The following CCDC60 variants were observed in gnomAD, a reference collection of about 807,000 sequenced individuals.
CCDC60 encodes coiled-coil domain-containing protein 60.
In CCDC60, 54 loss-of-function variants were observed where a neutral mutation model predicts 63.5. The observed-to-expected ratio is 0.85, with a 90% CI of 0.68 to 1.07. CCDC60 has a LOEUF of 1.07. Among genes scored for constraint, CCDC60 ranks in the 50% least tolerant of loss-of-function variants. The pLI is 0.00. For synonymous variants in CCDC60, 206 were observed against 238.8 expected (o/e 0.86, Z 1.27); for missense variants, 651 against 684.3 (o/e 0.95, Z 0.54).
chr12:119,475,766 C>A (rs1438671222), intron 3 of CCDC60, among the ~76,000 whole-genome samples: 1 of 152,102 alleles, frequency 6.6e-6, no homozygotes, highest in Non-Finnish European at 1.5e-5. Context: ...AACTCCCAAG[C>A]TTATTATGAG....
intron 1 of CCDC60, among the ~76,000 whole-genome samples, chr12:119,404,229 G>T (rs1358578724): frequency 6.6e-6 from 1 of 152,206 alleles, no homozygotes; most frequent in Non-Finnish European, 1.5e-5. Flanking sequence ...GGCTGAGATT[G>T]CAGTGAGCCA....
At chr12:119,367,671 A>G (rs776732917) in intron 1 of CCDC60, among the ~76,000 whole-genome samples, 1 of 152,226 alleles carries the variant, frequency 6.6e-6, no homozygotes, top group Non-Finnish European at 1.5e-5. Flanking sequence ...CTATCCATAC[A>G]GTGGAATATT....
At chr12:119,523,062 A>G in intron 10 of CCDC60, 61 bp downstream of exon 10, 2 of 1,422,598 alleles carry the variant, frequency 1.4e-6, no homozygotes, top group South Asian at 2.3e-5. Context: ...CACACCCTCT[A>G]TCTTCCCAGG....
chr12:119,371,434 G>GTGGAATGAATGAGTGAATGAA (rs1955896960), intron 1 of CCDC60, among the ~76,000 whole-genome samples: 2 of 152,172 alleles, frequency 1.3e-5, no homozygotes, highest in African/African-American at 4.8e-5. Flanking sequence ...ATAAATAGTT[G>GTGGAATGAATGAGTGAATGAA]TGGAATGAAT....
intron 1 of CCDC60, among the ~76,000 whole-genome samples, chr12:119,344,853 T>TCACACA (rs1489223455): frequency 8.8e-4 from 92 of 104,164 alleles, no homozygotes; most frequent in Non-Finnish European, 1.2e-3. Context: ...TCTCTCTCTC[T>TCACACA]CTCACACACA....
At chr12:119,487,391 A>G (rs1951475238) in intron 4 of CCDC60, among the ~76,000 whole-genome samples, 2 of 150,678 alleles carry the variant, frequency 1.3e-5, no homozygotes, top group South Asian at 4.2e-4. Flanking sequence ...TCCGCCTCTC[A>G]GGCTCAAGCA....
At position 119,456,064 on chromosome 12, in the gene CCDC60, C is replaced by A. The variant is rs67019387; in HGVS notation, c.171-15930C>A. On this transcript the variant is annotated intron_variant, in intron 2 of 13. Transcript: ENST00000327554. This position sits in a 1 kb window ranked among gnomAD's most constrained non-coding sequence, Gnocchi z 4.6. Reference sequence around the variant, plus strand: ...GAAAGAAAGAAAGAAAGAAAGAAAGCAAGCAAGCATGTGCAATTTCAAGGG... The same window carrying A: ...GAAAGAAAGAAAGAAAGAAAGAAAGAAAGCAAGCATGTGCAATTTCAAGGG... 0.4 allele frequency among the ~76,000 whole-genome samples: 37,899 copies of A among 93,654 alleles called. 6,784 individuals are homozygous for A. The highest frequency in any genetic ancestry group is 0.49 in the South Asian group (1,089 of 2,226). 61.4% of individuals were successfully genotyped at this position (93,654 alleles called of 152,430 possible).
chr12:119,390,425 T>C (rs778497418), intron 1 of CCDC60, among the ~76,000 whole-genome samples: 2 of 152,220 alleles, frequency 1.3e-5, no homozygotes, highest in African/African-American at 4.8e-5. Flanking sequence ...CACCATTCTA[T>C]ACATCACATC....
chr12:119,494,640 C>T (rs1402572953), intron 5 of CCDC60, among the ~76,000 whole-genome samples: 2 of 152,180 alleles, frequency 1.3e-5, no homozygotes, highest in African/African-American at 2.4e-5. Flanking sequence ...TTTAGAAATA[C>T]ACATATGAGT....
chr12:119,417,877 T>C (rs918296906), intron 1 of CCDC60, among the ~76,000 whole-genome samples: 7 of 152,282 alleles, frequency 4.6e-5, no homozygotes, highest in Middle Eastern at 3.4e-3. Context: ...ACCCTTCCTT[T>C]ATTCCCAAAG....
At chr12:119,514,586 A>G (rs1952303925) in intron 7 of CCDC60, among the ~76,000 whole-genome samples, 2 of 152,188 alleles carry the variant, frequency 1.3e-5, no homozygotes, top group African/African-American at 4.8e-5. Context: ...TTTTTTACAG[A>G]TATACAATGT....
chr12:119,360,177 C>A (rs1482670245), intron 1 of CCDC60, among the ~76,000 whole-genome samples: 1 of 145,812 alleles, frequency 6.9e-6, no homozygotes, highest in African/African-American at 2.6e-5. Flanking sequence ...CCCCCCCCCA[C>A]CTCCCTCCCG....
chr12:119,452,891 C>T (rs1159613793), intron 2 of CCDC60, among the ~76,000 whole-genome samples: 6 of 152,078 alleles, frequency 3.9e-5, no homozygotes, highest in South Asian at 2.1e-4. Flanking sequence ...GACGTGATCT[C>T]GGCTCACTGC....
chr12:119,471,200 A>G (rs1050581787), intron 2 of CCDC60, among the ~76,000 whole-genome samples: 1 of 152,260 alleles, frequency 6.6e-6, no homozygotes, highest in Non-Finnish European at 1.5e-5. Context: ...GCATCAAGAC[A>G]TCTGATTAGG....
intron 1 of CCDC60, among the ~76,000 whole-genome samples, chr12:119,401,580 G>A (rs1410554435): frequency 6.6e-6 from 1 of 152,192 alleles, no homozygotes; most frequent in East Asian, 1.9e-4. Flanking sequence ...ATGTCCAGTT[G>A]TTGTAGGTTT....
chr12:119,392,100 G>C (rs552999900), intron 1 of CCDC60, among the ~76,000 whole-genome samples: 1 of 152,184 alleles, frequency 6.6e-6, no homozygotes, highest in Non-Finnish European at 1.5e-5. Context: ...AAGAAAGGGT[G>C]ATTTATTCTA....
At chr12:119,341,851 T>G (rs1955536028) in intron 1 of CCDC60, among the ~76,000 whole-genome samples, 1 of 152,188 alleles carries the variant, frequency 6.6e-6, no homozygotes, top group Non-Finnish European at 1.5e-5. Context: ...GCATGAGAGA[T>G]GCAATGTGTT....
chr12:119,450,357 T>A lies in CCDC60; in HGVS notation c.170+21595T>A, dbSNP rs1018787806. ...ATTAAAAGCACAGACTTCATTGATA[T>A]ATATGCAATACACCCATGTAACAAA... On this transcript the variant is annotated intron_variant, in intron 2 of 13. Transcript: ENST00000327554. 4.6e-5 allele frequency among the ~76,000 whole-genome samples: 7 copies of A among 152,276 alleles called. No homozygotes were observed. The East Asian group carries it at 7.7e-4, about 17-fold the overall frequency.
At chr12:119,500,815 C>T (rs965933359) in intron 6 of CCDC60, among the ~76,000 whole-genome samples, 2 of 152,210 alleles carry the variant, frequency 1.3e-5, no homozygotes, top group Non-Finnish European at 2.9e-5. Context: ...GATCCCACCA[C>T]TGCACTCCAG....
Sources: gnomAD v4.1 joint callset for allele counts (sites outside exome capture counted in the v4.1 genomes callset) on GRCh38, gnomAD v4.1.1 for gene constraint, Gnocchi (gnomAD v3.1) non-coding constraint, MANE v1.5 for transcripts, NCBI Gene and HGNC (gene_info 2026-07-23, HGNC 2026-07-21) for gene names.